LPA: variants seen among roughly 807,000 people sequenced by gnomAD.
The protein encoded by LPA is lipoprotein(a).
A neutral mutation model predicts 197.9 loss-of-function variants in LPA; 199 were observed. That is an observed-to-expected ratio of 1.01 (90% confidence interval 0.90 to 1.13). LPA has a LOEUF of 1.13. Among genes scored for constraint, LPA ranks in the 50% most tolerant of loss-of-function variants. LPA has a pLI of 0.00. For synonymous variants in LPA, 715 were observed against 639.5 expected, an observed-to-expected ratio of 1.12 and a Z score of -1.78; for missense variants, 1,853 against 1,785.8, an observed-to-expected ratio of 1.04 and a Z score of -0.68.
chr6:160,591,075 T>A lies in LPA; in HGVS notation c.3656A>T (p.Asn1219Ile). 6.2e-7 allele frequency: 1 copy of A among 1,613,852 alleles called. No homozygotes were observed. The highest frequency in any genetic ancestry group is 8.5e-7 in the Non-Finnish European group (1 of 1,179,888). ...CCAAGGACTAATCTCAGCATCTGGATTCCTGCAGTAGTTCCTGGTCAGGCC... is the reference window on the plus strand; with the variant it reads ...CCAAGGACTAATCTCAGCATCTGGAATCCTGCAGTAGTTCCTGGTCAGGCC... ...NGGLTRNYCR[N>I]PDAEISPWCY... is the part of the protein sequence containing the mutation. Residue 1219 changes from asparagine (N) to isoleucine (I), a missense_variant, in exon 23 of 39, where the codon AAT becomes ATT. Asn to Ile is a moderately radical substitution (Grantham distance 149). Coordinates refer to ENST00000316300, the MANE Select transcript of LPA (RefSeq NM_005577.4).
intron 2 of LPA, among the ~76,000 whole-genome samples, chr6:160,649,851 G>C (rs1020546862): frequency 6.6e-6 from 1 of 152,036 alleles, no homozygotes; most frequent in Admixed American, 6.6e-5. Context: ...TATTCCTTCA[G>C]ACCACTGGTG....
intron 18 of LPA, among the ~76,000 whole-genome samples, 184 bp from the exon 19 acceptor site, chr6:160,601,282 T>A (rs76781348): frequency 6.6e-6 from 1 of 152,288 alleles, no homozygotes; most frequent in African/African-American, 2.4e-5. Context: ...TCATACTTAA[T>A]ATATTATCAC....
chr6:160,635,820 C>T (rs1779807038), intron 6 of LPA, among the ~76,000 whole-genome samples: 1 of 91,416 alleles, frequency 1.1e-5, no homozygotes, highest in Admixed American at 9.2e-5. Context: ...CAGGTCAACC[C>T]TCACACTCTA....
intron 28 of LPA, among the ~76,000 whole-genome samples, chr6:160,576,779 G>C (rs1357058996): frequency 2.7e-5 from 4 of 145,906 alleles, no homozygotes; most frequent in Non-Finnish European, 4.5e-5. Context: ...ACAAACCTTC[G>C]GGAATTGAAA....
chr6:160,596,773 G>A (rs1340575776), intron 20 of LPA, among the ~76,000 whole-genome samples: 2 of 152,168 alleles, frequency 1.3e-5, no homozygotes, highest in Non-Finnish European at 2.9e-5. Flanking sequence ...GAGAATTGCA[G>A]TTTGAAATCT....
At chr6:160,539,895 A>G in intron 36 of LPA, 148 bp downstream of exon 36, 2 of 1,053,700 alleles carry the variant, frequency 1.9e-6, no homozygotes, top group Non-Finnish European at 1.4e-6. Flanking sequence ...GCTGGGGTTG[A>G]AGATTGATGC....
At chr6:160,588,357 C>T (rs1410709797) in intron 24 of LPA, among the ~76,000 whole-genome samples, 1 of 152,008 alleles carries the variant, frequency 6.6e-6, no homozygotes, top group African/African-American at 2.4e-5. Flanking sequence ...CTGGAGTCAC[C>T]TTGATTCTAG....
intron 32 of LPA, among the ~76,000 whole-genome samples, chr6:160,547,039 A>C (rs989183517): frequency 1.3e-5 from 2 of 152,128 alleles, no homozygotes; most frequent in African/African-American, 2.4e-5. Flanking sequence ...CAGTTTCATA[A>C]AAGGCAATTT....
chr6:160,634,957 T>G (rs1270994413), intron 7 of LPA, among the ~76,000 whole-genome samples, 166 bp downstream of exon 7: 3 of 150,208 alleles, frequency 2.0e-5, no homozygotes, highest in Middle Eastern at 3.4e-3. Context: ...CAGAAATCAC[T>G]CCGCTGGCTC....
rs138104811 is a variant in LPA, at chr6:160,566,655, T to G, written c.4632-9084A>C. ...CACACATAAAAATATTAACCTTAAA[T>G]GTAAATGGGCTAAATGCTCCAATTA... On this transcript the variant is annotated intron_variant, in intron 28 of 38. Coordinates refer to ENST00000316300, the MANE Select transcript of LPA (RefSeq NM_005577.4). 5.4e-3 allele frequency among the ~76,000 whole-genome samples: 815 copies of G among 152,306 alleles called. 15 individuals carry two copies. The highest frequency in any genetic ancestry group is 0.019 in the African/African-American group (800 of 41,562).
At chr6:160,655,495 C>T (rs1950563) in intron 1 of LPA, among the ~76,000 whole-genome samples, 84,645 of 152,066 alleles carry the variant, frequency 0.56, 24,588 homozygotes, top group Admixed American at 0.65. Flanking sequence ...TCAGGTCACT[C>T]GATAAATGGG....
Position 160,545,431 on chromosome 6 carries a change from G to A in LPA, c.5398+9C>T. ...AGCAGTTTCCTTACCAAAACAGAAG[G>A]CAACTTACCACAGAGAGGGATATCA... is the stretch of plus-strand genomic sequence containing the variant. On this transcript the variant is annotated intron_variant, in intron 33 of 38. Coordinates refer to ENST00000316300, the MANE Select transcript of LPA (RefSeq NM_005577.4). 6.4e-7 allele frequency: 1 copy of A among 1,573,042 alleles called. No individual in the cohort carries two copies. The highest frequency in any genetic ancestry group is 1.7e-5 in the Admixed American group (1 of 59,898).
Position 160,531,816 on chromosome 6 carries a change from A to C in LPA, c.6036T>G (p.Leu2012=), listed in dbSNP as rs778977106. 6.2e-7 allele frequency: 1 copy of C among 1,614,140 alleles called. No individual in the cohort carries two copies. Among genetic ancestry groups the C allele is most frequent in the Non-Finnish European group, 8.5e-7 (1 of 1,180,008 alleles). Residue 2012 remains leucine (L), a synonymous_variant, in exon 39 of 39, where the codon CTT becomes CTG. Transcript: ENST00000316300. ...CAGGCTTATTGGGGCGTGCACAGCCAAGACCCCAAGAAGTGACTCCTTGTA... is the reference window on the plus strand; with the variant it reads ...CAGGCTTATTGGGGCGTGCACAGCCCAGACCCCAAGAAGTGACTCCTTGTA... The part of the protein sequence containing the change: ...YILQGVTSWG[L]GCARPNKPGV...
At chr6:160,658,983 G>C (rs778032127) in intron 1 of LPA, among the ~76,000 whole-genome samples, 1 of 151,682 alleles carries the variant, frequency 6.6e-6, no homozygotes, top group Non-Finnish European at 1.5e-5. Flanking sequence ...TCACACAAAG[G>C]GGAGCTTATT....
At chr6:160,555,445 A>G (rs1173135786) in intron 30 of LPA, among the ~76,000 whole-genome samples, 1 of 141,962 alleles carries the variant, frequency 7.0e-6, no homozygotes, top group South Asian at 2.2e-4. Flanking sequence ...ACATATATAT[A>G]TATATATATA....
rs1562331237 is a variant in LPA at position 160,584,230 on chromosome 6, CTTCTTCT to C, written c.4289+809_4289+815del. On this transcript the variant is annotated intron_variant, in intron 26 of 38. Coordinates refer to ENST00000316300, the MANE Select transcript of LPA (RefSeq NM_005577.4). ...TCTTCTTCTTCTTCTTCTTCTTCTT[CTTCTTCT>C]TCCTCCTCCTCCTCCTCCTCCTCTT... Among the ~76,000 whole-genome samples, 211 of 95,162 alleles carry C rather than the reference CTTCTTCT, an allele frequency of 2.2e-3. 1 individual carries two copies. The highest frequency in any genetic ancestry group is 4.9e-3 in the African/African-American group (142 of 28,722). The allele number at this position is 95,162 out of a possible 152,430, so 62.4% of individuals were successfully genotyped here. A position where few individuals can be genotyped will look rare whatever the true frequency, so the allele number is the denominator to read the frequency against.
chr6:160,595,380 G>C lies in LPA; in HGVS notation c.3443C>G (p.Pro1148Arg). ...VLATLTVVPDPSTEASSEEAP... is the reference protein window; with the variant it reads ...VLATLTVVPDRSTEASSEEAP... The stretch of plus-strand genomic sequence containing the variant: ...TTCTTCAGAAGAAGCCTCTGTGCTT[G>C]GATCTGGGACCACCGTGAGAGTTGC... Residue 1148 changes from proline to arginine, a missense_variant, in exon 21 of 39, where the codon CCA becomes CGA. Pro to Arg is a moderately radical substitution (Grantham distance 103, BLOSUM62 -2). Around this residue, in one of 3 missense-constraint regions of LPA, gnomAD observed 1,737 missense variants for 1,504.4 expected, o/e 1.15. Transcript: ENST00000316300. 6.2e-7 allele frequency: 1 copy of C among 1,613,138 alleles called. No individual in the cohort carries two copies. Among genetic ancestry groups the C allele is most frequent in the Non-Finnish European group, 8.5e-7 (1 of 1,179,902 alleles).
intron 35 of LPA, among the ~76,000 whole-genome samples, chr6:160,540,746 C>T (rs1777968448): frequency 6.6e-6 from 1 of 152,226 alleles, no homozygotes; most frequent in Non-Finnish European, 1.5e-5. Context: ...GCCAATTAAA[C>T]TCTTTTCTTT....
intron 16 of LPA, among the ~76,000 whole-genome samples, chr6:160,607,732 A>G (rs1445131334): frequency 2.0e-5 from 3 of 152,130 alleles, no homozygotes; most frequent in East Asian, 3.9e-4. Flanking sequence ...CCTAGTGTCA[A>G]TCCCAGACCC....
Sources: gnomAD v4.1 joint callset for allele counts (sites outside exome capture counted in the v4.1 genomes callset) on GRCh38, gnomAD v4.1.1 for gene constraint, gnomAD v4.1.1 regional missense constraint, MANE v1.5 for transcripts, NCBI Gene and HGNC (gene_info 2026-07-23, HGNC 2026-07-21) for gene names.